Variants in USP54 observed in about 807,000 individuals in gnomAD.
USP54 encodes ubiquitin carboxyl-terminal hydrolase 54.
USP54 carries 87 observed loss-of-function variants against 170.5 expected under a neutral mutation model. The observed-to-expected ratio is 0.51, with a 90% CI of 0.43 to 0.61. The LOEUF is 0.61. Among genes scored for constraint, USP54 ranks in the 20% least tolerant of loss-of-function variants. The pLI, the probability that USP54 is intolerant of heterozygous loss-of-function variation, is 0.00. For missense variants in USP54, 1,786 were observed against 2,047.8 expected, an observed-to-expected ratio of 0.87 and a Z score of 2.47; for synonymous variants, 655 against 742.8, an observed-to-expected ratio of 0.88 and a Z score of 1.92.
In USP54 at chr10:73,517,418, C is replaced by G; in HGVS notation, c.3008G>C (p.Arg1003Thr). Residue 1003 changes from arginine to threonine, a missense_variant, in exon 20 of 24, where the codon AGG becomes ACG. Physicochemically the swap from Arg to Thr is moderately conservative, Grantham distance 71. This residue lies in a region of USP54 where 1,418 missense variants were observed against 1,569.0 expected (regional missense o/e 0.90). Coordinates refer to ENST00000687698, the MANE Select transcript of USP54 (RefSeq NM_001391956.1). The part of the protein sequence containing the change: ...DAPEGKLQGS[R>T]CDNSSCSKLP... ...CTTGCTGCAACTGCTGTTGTCACAC[C>G]TAGAGCCTTGCAGCTTACCCTCTGG... 6.2e-7 allele frequency: 1 copy of G among 1,614,158 alleles called. No homozygotes were observed. The highest frequency in any genetic ancestry group is 8.5e-7 in the Non-Finnish European group (1 of 1,180,012).
chr10:73,605,021 G>C (rs1384003093), intron 1 of USP54, among the ~76,000 whole-genome samples: 2 of 152,120 alleles, frequency 1.3e-5, no homozygotes, highest in Admixed American at 6.6e-5. Flanking sequence ...TTTTTACAGA[G>C]TGCTGAATGA....
At chr10:73,594,983 T>C (rs1480148953), upstream of USP54, among the ~76,000 whole-genome samples, 2 of 152,048 alleles carry the variant, frequency 1.3e-5, no homozygotes, top group African/African-American at 4.8e-5. Flanking sequence ...TGGAGTATAG[T>C]GCCATAATCT....
At chr10:73,600,386 T>C (rs1357450643) in intron 1 of USP54, among the ~76,000 whole-genome samples, 2 of 152,150 alleles carry the variant, frequency 1.3e-5, no homozygotes, top group African/African-American at 4.8e-5. Flanking sequence ...GATGAAAATA[T>C]TTGGTACCTT....
chr10:73,619,935 G>A (rs1287219782), intron 1 of USP54, among the ~76,000 whole-genome samples: 2 of 150,616 alleles, frequency 1.3e-5, no homozygotes, highest in African/African-American at 5.0e-5. Context: ...ACTTGGCAAT[G>A]TGGTAGAGTA....
At chr10:73,614,105 A>C (rs1023601770) in intron 1 of USP54, 1 of 141,602 alleles carries the variant, frequency 7.1e-6, no homozygotes, top group African/African-American at 3.1e-5. Context: ...GGGAGGCTAA[A>C]GTGGAAGGAT....
chr10:73,513,505 T>C (rs1589904241), intron 20 of USP54: 1 of 150,866 alleles, frequency 6.6e-6, no homozygotes, highest in Middle Eastern at 3.4e-3. Context: ...TATTCAACAA[T>C]AGTAGGATGG....
chr10:73,617,318 C>T (rs1448877809), intron 1 of USP54, among the ~76,000 whole-genome samples: 3 of 147,708 alleles, frequency 2.0e-5, no homozygotes, highest in Non-Finnish European at 3.0e-5. Flanking sequence ...ATTAGCCAGG[C>T]GGTGGCGCAT....
chr10:73,500,874 A>C, intron 22 of USP54, 36 bp from the exon 23 acceptor site: 1 of 1,581,890 alleles, frequency 6.3e-7, no homozygotes, highest in Non-Finnish European at 8.6e-7. Context: ...CATAGAGATG[A>C]GGATTAACAC....
Position 73,526,733 on chromosome 10 carries a change from T to A in USP54, c.2108A>T (p.His703Leu). The A allele has an allele frequency of 1.2e-6, 2 of 1,614,132 alleles. No homozygotes were observed. Among genetic ancestry groups the A allele is most frequent in the Non-Finnish European group, 1.7e-6 (2 of 1,180,000 alleles). ...GCTACTGCTGTGCGACTTTGGGATA[T>A]GACGCCAGGAAGGAACCAACCCAGC... Reference protein sequence around the residue: ...RSAGLVPSWRHIPKSHSSSIL... With the variant: ...RSAGLVPSWRLIPKSHSSSIL... Residue 703 changes from histidine to leucine, a missense_variant, in exon 16 of 24, where the codon CAT (histidine) becomes CTT (leucine). This residue lies in a region of USP54 where 1,418 missense variants were observed against 1,569.0 expected (regional missense o/e 0.90). Transcript: ENST00000687698.
intron 4 of USP54, among the ~76,000 whole-genome samples, chr10:73,551,421 A>C (rs1397005997): frequency 6.6e-6 from 1 of 152,232 alleles, no homozygotes; most frequent in Non-Finnish European, 1.5e-5. Context: ...AAGGGGAAGA[A>C]TGTCTATCAG....
intron 1 of USP54, among the ~76,000 whole-genome samples, chr10:73,611,309 T>C (rs913179372): frequency 5.3e-5 from 8 of 152,270 alleles, no homozygotes; most frequent in African/African-American, 1.9e-4. Context: ...TCATTAAATA[T>C]TAAAAATGTG....
At chr10:73,542,629 A>G (rs2066869559) in intron 7 of USP54, among the ~76,000 whole-genome samples, 174 bp downstream of exon 7, 1 of 151,606 alleles carries the variant, frequency 6.6e-6, no homozygotes, top group Admixed American at 6.6e-5. Flanking sequence ...TACTTGGGAG[A>G]TGGAGGCAGG....
intron 4 of USP54, among the ~76,000 whole-genome samples, chr10:73,556,859 T>C (rs762095936): frequency 5.3e-5 from 8 of 152,130 alleles, no homozygotes; most frequent in Admixed American, 2.0e-4. Flanking sequence ...ATACCTTATA[T>C]ACGAAATTCT....
At chr10:73,551,000 G>GA (rs2069187918) in intron 4 of USP54, among the ~76,000 whole-genome samples, 1 of 152,146 alleles carries the variant, frequency 6.6e-6, no homozygotes, top group South Asian at 2.1e-4. Flanking sequence ...AGCTACTGCG[G>GA]AGGCTGAGGC....
chr10:73,614,495 T>G (rs371685495), intron 1 of USP54, among the ~76,000 whole-genome samples: 3 of 141,476 alleles, frequency 2.1e-5, no homozygotes, highest in African/African-American at 8.5e-5. Context: ...CAGTGGCGGA[T>G]GTTGCAGTGA....
chr10:73,508,270 G>A (rs780658378), intron 20 of USP54, among the ~76,000 whole-genome samples: 10 of 151,846 alleles, frequency 6.6e-5, no homozygotes, highest in Non-Finnish European at 1.3e-4. Flanking sequence ...AGCTGGGTGC[G>A]GTGGTGTGCG....
chr10:73,547,024 C>A (rs1045241976), intron 4 of USP54, among the ~76,000 whole-genome samples: 1 of 152,146 alleles, frequency 6.6e-6, no homozygotes, highest in South Asian at 2.1e-4. Flanking sequence ...AATCTACTGA[C>A]CTTGGTGTAT....
At position 73,530,265 on chromosome 10, in the gene USP54, G is replaced by C; in HGVS notation, c.1706C>G (p.Ser569Cys). 6.2e-7 allele frequency: 1 copy of C among 1,614,174 alleles called. No homozygotes were observed. The highest frequency in any genetic ancestry group is 8.5e-7 in the Non-Finnish European group (1 of 1,180,032). Reference sequence around the variant, plus strand: ...TCTCCATGTGGGACGATACTTGCTGGAAGAACTGGATTTTGACTCACTGCT... The same window carrying C: ...TCTCCATGTGGGACGATACTTGCTGCAAGAACTGGATTTTGACTCACTGCT... Reference protein sequence around the residue: ...STSSESKSSSSSKYRPTWRPK... With the variant: ...STSSESKSSSCSKYRPTWRPK... The change falls in exon 14 of 24, where the codon TCC (serine) becomes TGC (cysteine). Residue 569 changes from serine (S) to cysteine (C), a missense_variant. Ser to Cys is a moderately radical substitution (Grantham distance 112). Transcript: ENST00000687698.
At chr10:73,596,620 G>A (rs2078755610) in intron 1 of USP54, among the ~76,000 whole-genome samples, 1 of 151,530 alleles carries the variant, frequency 6.6e-6, no homozygotes, top group African/African-American at 2.4e-5. Flanking sequence ...TCAGGAGGCT[G>A]GGGCAGGAGA....
Sources: allele counts gnomAD v4.1 joint callset (sites outside exome capture counted in the v4.1 genomes callset), GRCh38; gene constraint gnomAD v4.1.1; regional missense constraint gnomAD v4.1.1; transcripts MANE v1.5; gene names NCBI Gene and HGNC (gene_info 2026-07-23, HGNC 2026-07-21).